The following PCSK2 variants were observed in gnomAD, a reference collection of about 807,000 sequenced individuals.
PCSK2 encodes neuroendocrine convertase 2.
Under a neutral mutation model 69.7 loss-of-function variants are expected in PCSK2, and 14 were observed. The observed-to-expected ratio is 0.20, with a 90% CI of 0.13 to 0.31. The LOEUF (loss-of-function observed/expected upper bound fraction) is 0.31, where lower values mean the gene tolerates loss of function less well. PCSK2 is among the 10% of genes least tolerant of loss of function. The probability of loss-of-function intolerance (pLI) is 1.00; values close to 1 mark genes in which losing one functional copy is unlikely to be tolerated. For synonymous variants in PCSK2, 307 were observed against 320.7 expected, an observed-to-expected ratio of 0.96 and a Z score of 0.46; for missense variants, 544 against 842.5, an observed-to-expected ratio of 0.65 and a Z score of 4.39.
chr20:17,341,465 A>G lies in PCSK2; in HGVS notation c.283-16862A>G, dbSNP rs574099133. Among the ~76,000 whole-genome samples, 149 of 152,314 alleles carry G rather than the reference A, an allele frequency of 9.8e-4. 2 individuals carry two copies. The highest frequency in any genetic ancestry group is 2.4e-4 in the Non-Finnish European group (16 of 68,020). ...TTTCCATAAGCTGTGTATTTTGGAA[A>G]TGTATATGTCTACGTATTATTTTAT... is the stretch of plus-strand genomic sequence containing the variant. On this transcript the variant is annotated intron_variant, in intron 2 of 11. Coordinates refer to ENST00000262545, the MANE Select transcript of PCSK2 (RefSeq NM_002594.5).
intron 2 of PCSK2, among the ~76,000 whole-genome samples, chr20:17,302,806 G>A (rs1386240652): frequency 6.6e-6 from 1 of 152,256 alleles, no homozygotes; most frequent in Admixed American, 6.5e-5. Context: ...AGCATGGAAA[G>A]CTTCAGATCT....
At chr20:17,290,058 C>T (rs1988646675) in intron 2 of PCSK2, among the ~76,000 whole-genome samples, 1 of 152,222 alleles carries the variant, frequency 6.6e-6, no homozygotes, top group African/African-American at 2.4e-5. Flanking sequence ...CCTCTGTCAT[C>T]AATTTGGCAG....
chr20:17,260,167 C>G, intron 1 of PCSK2, 73 bp from the exon 2 acceptor site: 1 of 915,988 alleles, frequency 1.1e-6, no homozygotes, highest in South Asian at 1.3e-5. Context: ...GCAAGCAGCC[C>G]CAGCTTTGGT....
intron 1 of PCSK2, among the ~76,000 whole-genome samples, chr20:17,255,257 T>C (rs1220319531): frequency 6.6e-6 from 1 of 152,254 alleles, no homozygotes; most frequent in Non-Finnish European, 1.5e-5. Context: ...AAGAAAATCA[T>C]TCAGCCTTTC....
At chr20:17,302,702 A>T (rs2123091743) in intron 2 of PCSK2, among the ~76,000 whole-genome samples, 1 of 152,312 alleles carries the variant, frequency 6.6e-6, no homozygotes, top group South Asian at 2.1e-4. Flanking sequence ...ACCAGGATCC[A>T]GGCCGTGCTG....
intron 6 of PCSK2, among the ~76,000 whole-genome samples, chr20:17,424,848 AAT>A (rs1412481314): frequency 6.6e-6 from 1 of 151,854 alleles, no homozygotes; most frequent in African/African-American, 2.4e-5. Flanking sequence ...GCAGTGGCGT[AAT>A]CTTGGCACAC....
intron 6 of PCSK2, among the ~76,000 whole-genome samples, chr20:17,419,651 G>A (rs1253914115): frequency 1.3e-5 from 2 of 152,116 alleles, no homozygotes; most frequent in African/African-American, 4.8e-5. Flanking sequence ...ATGTTGAGTG[G>A]CCTTGACATC....
intron 2 of PCSK2, among the ~76,000 whole-genome samples, chr20:17,300,510 A>T (rs1989044574): frequency 6.6e-6 from 1 of 152,216 alleles, no homozygotes. Context: ...CAGCCCAAGT[A>T]TAGGTTTCAG....
intron 11 of PCSK2, among the ~76,000 whole-genome samples, chr20:17,470,813 T>C (rs536150826): frequency 6.6e-6 from 1 of 152,300 alleles, no homozygotes; most frequent in African/African-American, 2.4e-5. Flanking sequence ...GGAGAAAGAC[T>C]TACGATGTCT....
At chr20:17,353,709 A>T (rs1483313827) in intron 2 of PCSK2, among the ~76,000 whole-genome samples, 1 of 152,196 alleles carries the variant, frequency 6.6e-6, no homozygotes, top group Non-Finnish European at 1.5e-5. Flanking sequence ...TCAGTGCTAC[A>T]CTATTCACAG....
intron 2 of PCSK2, among the ~76,000 whole-genome samples, chr20:17,353,312 A>G (rs1288474499): frequency 6.6e-6 from 1 of 152,056 alleles, no homozygotes; most frequent in East Asian, 1.9e-4. Context: ...AATACAAAAA[A>G]AAATTAGCTG....
At chr20:17,379,198 C>T (rs1282718556) in intron 5 of PCSK2, among the ~76,000 whole-genome samples, 1 of 152,196 alleles carries the variant, frequency 6.6e-6, no homozygotes, top group Non-Finnish European at 1.5e-5. Flanking sequence ...TGTCCCCCAC[C>T]CAGGAGGGGA....
chr20:17,251,530 G>A (rs1416072201), intron 1 of PCSK2, among the ~76,000 whole-genome samples: 1 of 152,218 alleles, frequency 6.6e-6, no homozygotes, highest in Non-Finnish European at 1.5e-5. Flanking sequence ...CTGTGCCAGG[G>A]ATGTCCCTTG....
At position 17,408,994 on chromosome 20, in the gene PCSK2, C is replaced by T. The variant is rs2031813865; in HGVS notation, c.544-269C>T. Among the ~76,000 whole-genome samples the T allele has an allele frequency of 1.3e-5, 2 of 152,236 alleles. 1 individual carries two copies. Among genetic ancestry groups the T allele is most frequent in the South Asian group, 4.1e-4 (2 of 4,834 alleles). ...GGGCTACATCAACTTGAAAGGAAGA[C>T]AGTCCTGGAGAACACAGGGCTTACA... On this transcript the variant is annotated intron_variant, in intron 5 of 11. Transcript: ENST00000262545.
chr20:17,296,855 A>C (rs907038723), intron 2 of PCSK2, among the ~76,000 whole-genome samples: 3 of 152,320 alleles, frequency 2.0e-5, no homozygotes, highest in Admixed American at 1.3e-4. Context: ...ACAGTAAGAT[A>C]ATGTATGTCT....
At position 17,482,097 on chromosome 20, in the gene PCSK2, C is replaced by G; in HGVS notation, c.*27C>G. ...GCTGCACATCCGCCTTTCCCACCGCCCTCCCTCCCCAGCTCCGCCTCTGTC... is the reference window on the plus strand; with the variant it reads ...GCTGCACATCCGCCTTTCCCACCGCGCTCCCTCCCCAGCTCCGCCTCTGTC... On this transcript the variant is annotated 3_prime_UTR_variant, in exon 12 of 12. Coordinates refer to ENST00000262545, the MANE Select transcript of PCSK2 (RefSeq NM_002594.5). The G allele has an allele frequency of 6.5e-7, 1 of 1,528,098 alleles. No homozygotes were observed. Among genetic ancestry groups the G allele is most frequent in the South Asian group, 1.3e-5 (1 of 77,090 alleles). The allele number at this position is 1,528,098 out of a possible 1,614,324, so 94.7% of individuals were successfully genotyped here. A position where few individuals can be genotyped will look rare whatever the true frequency, so the allele number is the denominator to read the frequency against.
At chr20:17,340,503 T>C (rs1341771621) in intron 2 of PCSK2, among the ~76,000 whole-genome samples, 1 of 152,226 alleles carries the variant, frequency 6.6e-6, no homozygotes, top group African/African-American at 2.4e-5. Flanking sequence ...TCTTCTTGTC[T>C]CTATGATTCT....
chr20:17,436,654 C>A, intron 7 of PCSK2, 54 bp from the exon 8 acceptor site: 1 of 1,513,554 alleles, frequency 6.6e-7, no homozygotes, highest in South Asian at 1.2e-5. Context: ...ACCTCCTTGT[C>A]TCCTGCGAAC....
chr20:17,342,438 C>A (rs1990534320), intron 2 of PCSK2, among the ~76,000 whole-genome samples: 1 of 152,136 alleles, frequency 6.6e-6, no homozygotes, highest in Non-Finnish European at 1.5e-5. Flanking sequence ...CCTACCTCAG[C>A]CTCCCTGGTA....
Sources: gnomAD v4.1 joint callset for allele counts (sites outside exome capture counted in the v4.1 genomes callset) on GRCh38, gnomAD v4.1.1 for gene constraint, MANE v1.5 for transcripts, NCBI Gene and HGNC (gene_info 2026-07-23, HGNC 2026-07-21) for gene names.